Variants in SORCS2 observed in about 807,000 individuals in gnomAD.
The protein encoded by SORCS2 is sortilin related VPS10 domain containing receptor 2, also known as VPS10 domain-containing receptor SorCS2.
A neutral mutation model predicts 141.6 loss-of-function variants in SORCS2; 100 were observed. The observed-to-expected ratio is 0.71, with a 90% CI of 0.60 to 0.83. The LOEUF (loss-of-function observed/expected upper bound fraction) is 0.83. Among genes scored for constraint, SORCS2 ranks in the 40% least tolerant of loss-of-function variants. The pLI is 0.00. For missense variants in SORCS2, 1,646 were observed against 1,560.2 expected (o/e 1.05, Z -0.93); for synonymous variants, 789 against 676.9 (o/e 1.17, Z -2.57).
rs1331592619 is a variant in SORCS2, at chr4:7,201,976, C to G, written c.480+8850C>G. 1.3e-5 allele frequency among the ~76,000 whole-genome samples: 2 copies of G among 151,372 alleles called. No individual in the cohort carries two copies. On this transcript the variant is annotated intron_variant, in intron 1 of 26. Transcript: ENST00000507866. This position sits in a 1 kb window ranked among gnomAD's most constrained non-coding sequence, Gnocchi z 4.4. ...GTGTTCTGCATTGGTTCACATCCTG[C>G]TTTTTCTTGGAAAGCGCCGTCCTGG...
At chr4:7,305,190 C>A (rs1228668313) in intron 1 of SORCS2, among the ~76,000 whole-genome samples, 2 of 152,074 alleles carry the variant, frequency 1.3e-5, no homozygotes, top group Non-Finnish European at 2.9e-5. Context: ...TGCCACCGCG[C>A]CCGGCTAATT....
chr4:7,414,148 C>T (rs1008368515), intron 2 of SORCS2, among the ~76,000 whole-genome samples: 19 of 152,320 alleles, frequency 1.2e-4, no homozygotes, highest in African/African-American at 2.6e-4. Context: ...CGGATGCAGG[C>T]GCTGCTTTAG....
At chr4:7,675,930 G>T in intron 8 of SORCS2, 120 bp from the exon 9 acceptor site, 1 of 1,170,400 alleles carries the variant, frequency 8.5e-7, no homozygotes, top group East Asian at 2.6e-5. Context: ...ACCTAGGCCA[G>T]GCTGGCTCCA....
chr4:7,567,305 G>A (rs1715085492), intron 3 of SORCS2, among the ~76,000 whole-genome samples: 1 of 152,012 alleles, frequency 6.6e-6, no homozygotes, highest in Non-Finnish European at 1.5e-5. Flanking sequence ...TGCCTTCATC[G>A]ATCTCAGGAT....
At position 7,232,564 on chromosome 4, in the gene SORCS2, G is replaced by A. The variant is rs544853534; in HGVS notation, c.480+39438G>A. Among the ~76,000 whole-genome samples the A allele has an allele frequency of 2.9e-4, 44 of 152,334 alleles. 1 individual carries two copies. Among genetic ancestry groups the A allele is most frequent in the Middle Eastern group, 3.4e-3 (1 of 294 alleles). ...TTAATTCGCTTTCCTGCCAAGCCTC[G>A]TGGTCCGTGACCTTTAGACTCCCGC... On this transcript the variant is annotated intron_variant, in intron 1 of 26. Coordinates refer to ENST00000507866, the MANE Select transcript of SORCS2 (RefSeq NM_020777.3).
intron 3 of SORCS2, among the ~76,000 whole-genome samples, chr4:7,631,834 G>GCTGC (rs1489012815): frequency 6.6e-6 from 1 of 152,028 alleles, no homozygotes; most frequent in Non-Finnish European, 1.5e-5. Context: ...CCTGGACAGA[G>GCTGC]CTGCCGCTGC....
At chr4:7,433,274 T>C in intron 2 of SORCS2, 1 of 1,349,402 alleles carries the variant, frequency 7.4e-7, no homozygotes. Flanking sequence ...ACCCACCTCA[T>C]GGGCCTCGCT....
At chr4:7,381,484 A>C (rs1250319602) in intron 1 of SORCS2, among the ~76,000 whole-genome samples, 1 of 152,204 alleles carries the variant, frequency 6.6e-6, no homozygotes, top group Non-Finnish European at 1.5e-5. Flanking sequence ...CCCTCCCTGC[A>C]GGAAGCCCAG....
intron 2 of SORCS2, among the ~76,000 whole-genome samples, chr4:7,500,514 T>C (rs1022520169): frequency 3.9e-5 from 6 of 152,088 alleles, no homozygotes; most frequent in African/African-American, 9.7e-5. Context: ...TCTGAGGAGA[T>C]AGCCAGTATT....
At chr4:7,614,114 C>G (rs1292418457) in intron 3 of SORCS2, among the ~76,000 whole-genome samples, 1 of 151,698 alleles carries the variant, frequency 6.6e-6, no homozygotes, top group Non-Finnish European at 1.5e-5. Flanking sequence ...TTCATCCATC[C>G]TCTTACCCAC....
Position 7,697,143 on chromosome 4 carries a change from A to G in SORCS2, c.1592-55A>G, listed in dbSNP as rs1402445209. The stretch of plus-strand genomic sequence containing the variant: ...GTTTTTCCATGCTCAGACTTGTTAA[A>G]GGGGTAAAGCTGGACGATCCTAAGG... On this transcript the variant is annotated intron_variant, in intron 11 of 26. Coordinates refer to ENST00000507866, the MANE Select transcript of SORCS2 (RefSeq NM_020777.3). The G allele has an allele frequency of 3.4e-6, 5 of 1,456,254 alleles. No individual in the cohort carries two copies. The East Asian group carries it at 1.2e-4, about 36-fold the overall frequency. 90.2% of individuals were successfully genotyped at this position (1,456,254 alleles called of 1,614,324 possible).
intron 3 of SORCS2, among the ~76,000 whole-genome samples, chr4:7,604,619 C>T (rs556855770): frequency 3.9e-5 from 6 of 152,166 alleles, no homozygotes; most frequent in Admixed American, 1.3e-4. Context: ...GTTTTAAAAG[C>T]GATAGTTGTT....
At chr4:7,576,807 G>T (rs576047162) in intron 3 of SORCS2, among the ~76,000 whole-genome samples, 1 of 152,208 alleles carries the variant, frequency 6.6e-6, no homozygotes, top group African/African-American at 2.4e-5. Flanking sequence ...CCAGACAGGT[G>T]CTGTAAGAAC....
At chr4:7,700,519 A>G (rs1322454455) in intron 12 of SORCS2, among the ~76,000 whole-genome samples, 2 of 152,168 alleles carry the variant, frequency 1.3e-5, no homozygotes, top group Non-Finnish European at 2.9e-5. Flanking sequence ...AGAACTGTGG[A>G]ACGTTCTTCT....
chr4:7,623,122 G>A (rs1226601619), intron 3 of SORCS2, among the ~76,000 whole-genome samples: 1 of 152,124 alleles, frequency 6.6e-6, no homozygotes, highest in African/African-American at 2.4e-5. Context: ...GGTGCCCAGG[G>A]ACACCGATAC....
rs1472051455 is a variant in SORCS2, at chr4:7,217,813, T to C, written c.480+24687T>C. On this transcript the variant is annotated intron_variant, in intron 1 of 26. Coordinates refer to ENST00000507866, the MANE Select transcript of SORCS2 (RefSeq NM_020777.3). ...AAGCCTGTGGGGTGAAGCTCCGACC[T>C]GTGGGAGCCGTGGGGACCTGAGCTG... is the stretch of plus-strand genomic sequence containing the variant. Among the ~76,000 whole-genome samples, 3 of 152,306 alleles carry C rather than the reference T, an allele frequency of 2.0e-5. No individual in the cohort carries two copies. In the East Asian group the frequency reaches 5.8e-4, roughly 29 times the overall value.
Position 7,741,398 on chromosome 4 carries a change from A to G in SORCS2, c.*1134A>G, listed in dbSNP as rs1269852595. 1.5e-5 allele frequency: 2 copies of G among 137,022 alleles called. No homozygotes were observed. The highest frequency in any genetic ancestry group is 9.3e-5 in the Admixed American group (1 of 10,714). The allele number at this position is 137,022 out of a possible 1,614,324, so 8.5% of individuals were successfully genotyped here. ...AGTGCTGTGCGGTCTCCACACCCTT[A>G]CGGTTTCCTAGAATCAGGGATGTTA... On this transcript the variant is annotated 3_prime_UTR_variant, in exon 27 of 27. Transcript: ENST00000507866.
intron 11 of SORCS2, among the ~76,000 whole-genome samples, chr4:7,690,142 C>A (rs1054776806): frequency 3.6e-5 from 4 of 110,880 alleles, no homozygotes; most frequent in African/African-American, 1.4e-4. Context: ...GTGGTGGATA[C>A]GTGGATGGGT....
At chr4:7,339,570 C>T (rs1720243280) in intron 1 of SORCS2, among the ~76,000 whole-genome samples, 1 of 152,204 alleles carries the variant, frequency 6.6e-6, no homozygotes, top group South Asian at 2.1e-4. Flanking sequence ...CTGCCTGCAT[C>T]TTCACACGGT....
Sources: allele counts gnomAD v4.1 joint callset (sites outside exome capture counted in the v4.1 genomes callset), GRCh38; gene constraint gnomAD v4.1.1; non-coding constraint Gnocchi (gnomAD v3.1); transcripts MANE v1.5; gene names NCBI Gene and HGNC (gene_info 2026-07-23, HGNC 2026-07-21).